Variants in TG observed in about 807,000 individuals in gnomAD.
TG encodes the protein thyroglobulin.
TG carries 270 observed loss-of-function variants against 324.7 expected under a neutral mutation model. That is an observed-to-expected ratio of 0.83 (90% CI 0.75 to 0.92). TG has a LOEUF of 0.92. TG is among the 40% of genes least tolerant of loss of function. The pLI is 0.00. For synonymous variants in TG, 1,401 were observed against 1,327.0 expected (o/e 1.06, Z -1.21); for missense variants, 3,591 against 3,456.4 (o/e 1.04, Z -0.98).
intron 29 of TG, among the ~76,000 whole-genome samples, chr8:132,964,448 C>A (rs181725685): frequency 6.6e-6 from 1 of 152,094 alleles, no homozygotes; most frequent in Non-Finnish European, 1.5e-5. Context: ...GGCATCTCCA[C>A]GTGGGCTCGT....
intron 40 of TG, among the ~76,000 whole-genome samples, chr8:133,026,085 A>G (rs1428746110): frequency 2.6e-5 from 4 of 152,030 alleles, no homozygotes; most frequent in Admixed American, 2.6e-4. Context: ...TGTTTTTATC[A>G]TTTCCTGGCC....
chr8:132,924,066 A>C (rs975728016), intron 22 of TG, among the ~76,000 whole-genome samples: 3 of 151,944 alleles, frequency 2.0e-5, no homozygotes, highest in African/African-American at 7.3e-5. Flanking sequence ...TAATTATACA[A>C]CTCACCATAA....
At chr8:133,018,609 T>C (rs1249098529) in intron 38 of TG, among the ~76,000 whole-genome samples, 4 of 152,146 alleles carry the variant, frequency 2.6e-5, no homozygotes, top group African/African-American at 9.7e-5. Context: ...TCCATGTGTA[T>C]ACCACTTTAA....
rs141519133 is a variant in TG, at chr8:132,901,441, G to A, written c.3522G>A (p.Gly1174=). Residue 1174 remains glycine (G), a synonymous_variant, in exon 16 of 48, where the codon GGG becomes GGA. Coordinates refer to ENST00000220616, the MANE Select transcript of TG (RefSeq NM_003235.5). ...GYVPACRAED[G]GFSPVQCDQA... is the part of the protein sequence containing the mutation. ...TCCCAGCCTGCAGGGCAGAGGATGG[G>A]GGCTTTTCCCCAGTGCAATGTGACC... The A allele has an allele frequency of 8.7e-6, 14 of 1,614,126 alleles. No homozygotes were observed. Among genetic ancestry groups the A allele is most frequent in the Middle Eastern group, 1.6e-4 (1 of 6,084 alleles).
chr8:133,013,862 T>C, intron 37 of TG, 98 bp downstream of exon 37: 1 of 1,484,006 alleles, frequency 6.7e-7, no homozygotes, highest in Non-Finnish European at 9.1e-7. Flanking sequence ...GTGGCTTTTG[T>C]TGGCCAAAGT....
chr8:132,951,856 C>G (rs535347884), intron 27 of TG, among the ~76,000 whole-genome samples: 1 of 152,284 alleles, frequency 6.6e-6, no homozygotes, highest in South Asian at 2.1e-4. Flanking sequence ...TAAATTCTAA[C>G]TACAGCGTGA....
chr8:132,973,394 G>A lies in TG; in HGVS notation c.6199+653G>A, dbSNP rs145689553. Among the ~76,000 whole-genome samples, 48 of 151,114 alleles carry A rather than the reference G, an allele frequency of 3.2e-4. No individual in the cohort carries two copies. The Middle Eastern group carries it at 0.01, about 33-fold the overall frequency. ...GGCCAAGGCAGCATTGACCCAACAT[G>A]GGTCCTTAAAGTATGATTCTGATTA... is the stretch of plus-strand genomic sequence containing the variant. On this transcript the variant is annotated intron_variant, in intron 34 of 47. Coordinates refer to ENST00000220616, the MANE Select transcript of TG (RefSeq NM_003235.5).
At chr8:132,997,355 G>A (rs756257544) in intron 35 of TG, among the ~76,000 whole-genome samples, 9 of 152,182 alleles carry the variant, frequency 5.9e-5, no homozygotes, top group Non-Finnish European at 8.8e-5. Flanking sequence ...AGGAAGCACC[G>A]AATATATAAG....
Position 133,090,994 on chromosome 8 carries a change from A to G in TG, c.7240-4050A>G, listed in dbSNP as rs1297701544. Among the ~76,000 whole-genome samples the G allele has an allele frequency of 2.0e-5, 3 of 152,156 alleles. No homozygotes were observed. The East Asian group carries it at 5.8e-4, about 29-fold the overall frequency. On this transcript the variant is annotated intron_variant, in intron 41 of 47. Coordinates refer to ENST00000220616, the MANE Select transcript of TG (RefSeq NM_003235.5). ...CCTGGCTCTGTCACCCCCAGCTCTG[A>G]GACTCTAGGGAAGTGGCTTCAACTC...
At chr8:133,133,276 T>G (rs1852084147) in intron 46 of TG, 194 bp from the exon 47 acceptor site, 6 of 665,122 alleles carry the variant, frequency 9.0e-6, no homozygotes, top group Non-Finnish European at 1.4e-5. Flanking sequence ...ATGGCCTAGC[T>G]TTGCAGTGCT....
At chr8:132,942,541 G>C (rs1824597942) in intron 26 of TG, among the ~76,000 whole-genome samples, 1 of 152,186 alleles carries the variant, frequency 6.6e-6, no homozygotes, top group African/African-American at 2.4e-5. Context: ...CACCATATAT[G>C]TGCAATGGAA....
chr8:133,082,644 T>G (rs1366504092), intron 41 of TG, among the ~76,000 whole-genome samples: 3 of 152,152 alleles, frequency 2.0e-5, no homozygotes, highest in Non-Finnish European at 4.4e-5. Context: ...TCTTAAACAC[T>G]CTGCCCTGGT....
intron 24 of TG, 77 bp from the exon 25 acceptor site, chr8:132,935,679 T>G: frequency 3.1e-6 from 4 of 1,309,182 alleles, no homozygotes; most frequent in Non-Finnish European, 4.4e-6. Context: ...CTAGCCATGG[T>G]TAGGGTTGGA....
chr8:133,006,164 G>A (rs1302113618), intron 35 of TG, among the ~76,000 whole-genome samples: 1 of 152,128 alleles, frequency 6.6e-6, no homozygotes, highest in Non-Finnish European at 1.5e-5. Flanking sequence ...AGTAGTTAAG[G>A]GACTTGCCTG....
In TG at chr8:132,887,990, C is replaced by A. The variant is rs116468671; in HGVS notation, c.2183C>A (p.Thr728Lys). The A allele has an allele frequency of 6.2e-7, 1 of 1,613,540 alleles. No individual in the cohort carries two copies. Among genetic ancestry groups the A allele is most frequent in the South Asian group, 1.1e-5 (1 of 90,878 alleles). Residue 728 changes from threonine (T) to lysine (K), a missense_variant, in exon 10 of 48, where the codon ACG (threonine) becomes AAG (lysine). Transcript: ENST00000220616. The stretch of plus-strand genomic sequence containing the variant: ...GCTCATTGTTCCTCCCCAGGCCCCA[C>A]GCCCTGTCAATTACAGTCTGAGCAA... ...SAIGKPKKCP[T>K]PCQLQSEQAF...
chr8:133,056,126 A>G (rs1228493457), intron 41 of TG, among the ~76,000 whole-genome samples: 1 of 152,192 alleles, frequency 6.6e-6, no homozygotes, highest in African/African-American at 2.4e-5. Flanking sequence ...CTCCTTTGAC[A>G]TAGTTGACAG....
chr8:133,030,831 G>C (rs1375556453), intron 41 of TG, among the ~76,000 whole-genome samples: 2 of 152,220 alleles, frequency 1.3e-5, no homozygotes, highest in Admixed American at 1.3e-4. Context: ...CATTTACCTA[G>C]AGACAAAGTC....
intron 26 of TG, among the ~76,000 whole-genome samples, chr8:132,945,468 G>A (rs945337835): frequency 6.6e-6 from 1 of 152,160 alleles, no homozygotes; most frequent in African/African-American, 2.4e-5. Flanking sequence ...GGGTCCATGT[G>A]GGGTATACTA....
At chr8:133,002,990 AC>A in intron 35 of TG, 1 of 1,020,632 alleles carries the variant, frequency 9.8e-7, no homozygotes, top group Non-Finnish European at 1.2e-6. Context: ...ATTCACATGT[AC>A]CTGGCCAAAC....
Sources: allele counts gnomAD v4.1 joint callset (sites outside exome capture counted in the v4.1 genomes callset), GRCh38; gene constraint gnomAD v4.1.1; transcripts MANE v1.5; gene names NCBI Gene and HGNC (gene_info 2026-07-23, HGNC 2026-07-21).